Variants in FGF14 observed in about 807,000 individuals in gnomAD.
The protein encoded by FGF14 is fibroblast growth factor homologous factor 4.
Under a neutral mutation model 25.5 loss-of-function variants are expected in FGF14, and 5 were observed. That is an observed-to-expected ratio of 0.20 (90% confidence interval 0.10 to 0.41). The LOEUF (loss-of-function observed/expected upper bound fraction) is 0.41, where lower values mean the gene tolerates loss of function less well. Ranked by LOEUF, FGF14 falls within the 10% of genes least tolerant of loss-of-function variation. The pLI, the probability that FGF14 is intolerant of heterozygous loss-of-function variation, is 1.00. For missense variants in FGF14, 222 were observed against 320.1 expected, an observed-to-expected ratio of 0.69 and a Z score of 2.34; for synonymous variants, 138 against 118.3, an observed-to-expected ratio of 1.17 and a Z score of -1.08.
intron 1 of FGF14, among the ~76,000 whole-genome samples, chr13:101,957,488 A>G (rs1465778168): frequency 6.6e-6 from 1 of 152,226 alleles, no homozygotes; most frequent in Non-Finnish European, 1.5e-5. Context: ...TATTCAAAGT[A>G]TGGTCCCCAG....
At chr13:102,310,698 G>GGC (rs1404891066) in intron 1 of FGF14, among the ~76,000 whole-genome samples, 2 of 20,464 alleles carry the variant, frequency 9.8e-5, no homozygotes, top group African/African-American at 3.1e-4. Context: ...TGTGTGTGTG[G>GGC]GGGGGGGGGG....
chr13:102,273,944 C>A (rs200747948), intron 1 of FGF14, among the ~76,000 whole-genome samples: 340 of 121,166 alleles, frequency 2.8e-3, no homozygotes, highest in East Asian at 3.4e-3. Context: ...GACCCTGTCT[C>A]AAAAAAAAAA....
chr13:101,978,059 T>G (rs1354226594), intron 1 of FGF14, among the ~76,000 whole-genome samples: 2 of 152,232 alleles, frequency 1.3e-5, no homozygotes, highest in African/African-American at 4.8e-5. Context: ...TTGGTTCATC[T>G]TTCTAGGACT....
At chr13:102,046,825 A>C (rs2042005433) in intron 1 of FGF14, among the ~76,000 whole-genome samples, 1 of 152,196 alleles carries the variant, frequency 6.6e-6, no homozygotes, top group South Asian at 2.1e-4. Context: ...TTTGAAGCAT[A>C]ATTTCTACAT....
chr13:102,161,570 A>AGAAGAAGAAGAAGAAGAAGAAGAAG (rs1555369390), intron 1 of FGF14, among the ~76,000 whole-genome samples: 1 of 5,652 alleles, frequency 1.8e-4, no homozygotes, highest in Non-Finnish European at 2.4e-4. Flanking sequence ...TTCTGTGAAG[A>AGAAGAAGAAGAAGAAGAAGAAGAAG]AAGAAAGAAG....
At chr13:102,333,251 G>A (rs1055992946) in intron 1 of FGF14, among the ~76,000 whole-genome samples, 3 of 152,206 alleles carry the variant, frequency 2.0e-5, no homozygotes, top group African/African-American at 4.8e-5. Flanking sequence ...TCACATATGC[G>A]AAGTGTTCAT....
At chr13:102,142,484 A>G (rs2046683663) in intron 1 of FGF14, among the ~76,000 whole-genome samples, 1 of 152,126 alleles carries the variant, frequency 6.6e-6, no homozygotes. Context: ...GACAAGTACT[A>G]ATAACTATGA....
chr13:101,814,948 AAACAAT>A (rs1167659993), intron 3 of FGF14, among the ~76,000 whole-genome samples: 1 of 151,972 alleles, frequency 6.6e-6, no homozygotes, highest in African/African-American at 2.4e-5. Flanking sequence ...AAATAAAACC[AAACAAT>A]AACAATAAAA....
intron 1 of FGF14, among the ~76,000 whole-genome samples, chr13:102,383,511 G>C (rs1174345362): frequency 6.6e-6 from 1 of 152,102 alleles, no homozygotes; most frequent in Non-Finnish European, 1.5e-5. Context: ...CTTATCAAAT[G>C]CTATCTAAGG....
At chr13:102,189,111 T>G (rs61965269) in intron 1 of FGF14, among the ~76,000 whole-genome samples, 40,310 of 127,598 alleles carry the variant, frequency 0.32, 5,929 homozygotes, top group Middle Eastern at 0.4. Flanking sequence ...GAGAGAGAGA[T>G]AGAGAGAGAG....
At chr13:101,973,003 G>A (rs915187901) in intron 1 of FGF14, among the ~76,000 whole-genome samples, 8 of 152,088 alleles carry the variant, frequency 5.3e-5, no homozygotes, top group African/African-American at 1.7e-4. Flanking sequence ...TGACTTGCTC[G>A]GTGGATTGGA....
intron 1 of FGF14, among the ~76,000 whole-genome samples, chr13:102,300,639 T>C (rs528176870): frequency 3.5e-4 from 53 of 152,154 alleles, no homozygotes; most frequent in Middle Eastern, 3.4e-3. Flanking sequence ...CCCATCAGAT[T>C]TTAAGCTCTA....
At chr13:101,943,812 T>TAAAAAAAA (rs58741547) in intron 1 of FGF14, among the ~76,000 whole-genome samples, 2 of 134,254 alleles carry the variant, frequency 1.5e-5, no homozygotes, top group African/African-American at 3.1e-5. Flanking sequence ...TGTCTCTACT[T>TAAAAAAAA]AAAAAAAAAA....
intron 1 of FGF14, among the ~76,000 whole-genome samples, chr13:102,052,517 T>A (rs1190758808): frequency 6.9e-6 from 1 of 144,250 alleles, no homozygotes; most frequent in Admixed American, 6.9e-5. Context: ...ACAGAGAGGA[T>A]ACTAAAAGTA....
At chr13:102,239,239 A>C (rs570013887) in intron 1 of FGF14, among the ~76,000 whole-genome samples, 1 of 152,212 alleles carries the variant, frequency 6.6e-6, no homozygotes, top group Non-Finnish European at 1.5e-5. Context: ...ACTGTGGCCA[A>C]ACTGGTTTTT....
chr13:102,140,461 G>C (rs1012358083), intron 1 of FGF14, among the ~76,000 whole-genome samples: 1 of 152,044 alleles, frequency 6.6e-6, no homozygotes, highest in Non-Finnish European at 1.5e-5. Flanking sequence ...ACTTCAAAAA[G>C]AAACAAAGTG....
At chr13:102,402,099 A>C (rs2058713509), upstream of FGF14, 1 of 189,980 alleles carries the variant, frequency 5.3e-6, no homozygotes, top group Admixed American at 5.4e-5. Context: ...AAAAAGAAAA[A>C]AAAACACCAC....
intron 3 of FGF14, among the ~76,000 whole-genome samples, chr13:101,848,349 A>G (rs903219992): frequency 2.6e-5 from 4 of 152,086 alleles, no homozygotes; most frequent in African/African-American, 9.7e-5. Context: ...CAGAATTACA[A>G]CATAACTCTA....
intron 1 of FGF14, among the ~76,000 whole-genome samples, chr13:102,330,081 G>A (rs1019576622): frequency 2.6e-5 from 4 of 152,070 alleles, no homozygotes; most frequent in African/African-American, 9.7e-5. Flanking sequence ...TGACAGGCAG[G>A]GAGCCAGCAG....
Sources: gnomAD v4.1 joint callset for allele counts (sites outside exome capture counted in the v4.1 genomes callset) on GRCh38, gnomAD v4.1.1 for gene constraint, MANE v1.5 for transcripts, NCBI Gene and HGNC (gene_info 2026-07-23, HGNC 2026-07-21) for gene names.